LIN52: variants seen among roughly 807,000 people sequenced by gnomAD.
LIN52 encodes protein lin-52 homolog.
LIN52 carries 4 observed loss-of-function variants against 18.5 expected under a neutral mutation model. The ratio of observed to expected loss-of-function variants is 0.22; its 90% confidence interval spans 0.11 to 0.49. LIN52 has a LOEUF of 0.49. Among genes scored for constraint, LIN52 ranks in the 20% least tolerant of loss-of-function variants. The pLI, the probability that LIN52 is intolerant of heterozygous loss-of-function variation, is 0.97. For missense variants in LIN52, 102 were observed against 139.5 expected, an observed-to-expected ratio of 0.73 and a Z score of 1.35; for synonymous variants, 34 against 45.5, an observed-to-expected ratio of 0.75 and a Z score of 1.02.
At position 74,101,169 on chromosome 14, in the gene LIN52, A is replaced by T; in HGVS notation, c.214A>T (p.Thr72Ser). 6.2e-7 allele frequency: 1 copy of T among 1,611,770 alleles called. No individual in the cohort carries two copies. The highest frequency in any genetic ancestry group is 8.5e-7 in the Non-Finnish European group (1 of 1,179,208). ...TTCTGTTTCAGAACTGGGGAGTCTC[A>T]CCACGGCTAATTTGATGGAGAAGGT... is the stretch of plus-strand genomic sequence containing the variant. ...IDMLKELGSLTTANLMEKVRG... is the reference protein window; with the variant it reads ...IDMLKELGSLSTANLMEKVRG... The change falls in exon 5 of 6, where the codon ACC (threonine) becomes TCC (serine). Residue 72 changes from threonine (T) to serine (S), a missense_variant. Transcript: ENST00000555028.
intron 5 of LIN52, among the ~76,000 whole-genome samples, chr14:74,126,851 C>G (rs1353604611): frequency 6.6e-6 from 1 of 152,202 alleles, no homozygotes; most frequent in Non-Finnish European, 1.5e-5. Context: ...CTAAATGCCA[C>G]TGAATTGTAT....
intron 5 of LIN52, among the ~76,000 whole-genome samples, chr14:74,129,849 A>G (rs1257774814): frequency 6.6e-6 from 1 of 152,192 alleles, no homozygotes; most frequent in African/African-American, 2.4e-5. Context: ...CCCTATGTAT[A>G]GTCTGTTTTC....
chr14:74,137,498 CTTT>C (rs71460959), intron 5 of LIN52, among the ~76,000 whole-genome samples: 6 of 111,614 alleles, frequency 5.4e-5, no homozygotes, highest in African/African-American at 1.9e-4. Flanking sequence ...CAGCAGCTCT[CTTT>C]TTTTTTTTTT....
chr14:74,197,253 C>T (rs1478477441), intron 5 of LIN52, among the ~76,000 whole-genome samples: 1 of 152,192 alleles, frequency 6.6e-6, no homozygotes, highest in African/African-American at 2.4e-5. Flanking sequence ...TCAACACTTA[C>T]TCAGCAGACA....
At chr14:74,131,319 CTTT>C (rs34203200) in intron 5 of LIN52, among the ~76,000 whole-genome samples, 6 of 137,972 alleles carry the variant, frequency 4.3e-5, no homozygotes, top group Admixed American at 2.9e-4. Flanking sequence ...ATTTAAGTGA[CTTT>C]TTTTTTTTTT....
At chr14:74,095,169 T>TTTTTTTTA in intron 2 of LIN52, among the ~76,000 whole-genome samples, 4 of 149,738 alleles carry the variant, frequency 2.7e-5, no homozygotes, top group African/African-American at 4.9e-5. Flanking sequence ...TTTTTTTTTT[T>TTTTTTTTA]GAGACAGGGT....
intron 5 of LIN52, chr14:74,174,386 G>A (rs980264500): frequency 2.6e-5 from 4 of 152,128 alleles, no homozygotes; most frequent in African/African-American, 9.7e-5. Context: ...GAATACTAGA[G>A]GCAGTTGGAA....
At chr14:74,085,300 G>GATGT in intron 1 of LIN52, 1 of 295,996 alleles carries the variant, frequency 3.4e-6, no homozygotes. Flanking sequence ...GAGGCTGAGG[G>GATGT]TCGAGGAGGA....
intron 2 of LIN52, among the ~76,000 whole-genome samples, chr14:74,095,159 T>TTTTTG (rs2060801213): frequency 6.7e-6 from 1 of 149,040 alleles, no homozygotes; most frequent in African/African-American, 2.5e-5. Flanking sequence ...GTTTTTTTTT[T>TTTTTG]TTTTTTTTTT....
intron 5 of LIN52, among the ~76,000 whole-genome samples, chr14:74,149,205 A>T (rs2061165924): frequency 6.6e-6 from 1 of 152,138 alleles, no homozygotes; most frequent in Non-Finnish European, 1.5e-5. Context: ...CATGGTTTTA[A>T]AAATTCACAG....
chr14:74,166,477 T>C (rs1004943995), intron 5 of LIN52, among the ~76,000 whole-genome samples: 8 of 152,172 alleles, frequency 5.3e-5, no homozygotes, highest in Non-Finnish European at 1.2e-4. Flanking sequence ...CCTCCCAAAG[T>C]GCTGGGATTA....
chr14:74,180,602 G>A (rs2061314312), intron 5 of LIN52, among the ~76,000 whole-genome samples: 1 of 151,940 alleles, frequency 6.6e-6, no homozygotes, highest in South Asian at 2.1e-4. Context: ...ATCTCTTTTG[G>A]TGTCTCATTA....
At chr14:74,147,262 CA>C (rs1366295890) in intron 5 of LIN52, among the ~76,000 whole-genome samples, 1 of 151,976 alleles carries the variant, frequency 6.6e-6, no homozygotes, top group East Asian at 1.9e-4. Flanking sequence ...TCATCTCAAA[CA>C]AACAAAATAT....
chr14:74,187,957 T>C (rs1404624850), intron 5 of LIN52, among the ~76,000 whole-genome samples: 1 of 152,204 alleles, frequency 6.6e-6, no homozygotes, highest in African/African-American at 2.4e-5. Flanking sequence ...CGTGATGGAT[T>C]TACACCTAAG....
intron 5 of LIN52, among the ~76,000 whole-genome samples, chr14:74,111,457 T>C (rs1163762053): frequency 1.1e-4 from 4 of 36,010 alleles, no homozygotes; most frequent in Non-Finnish European, 2.2e-4. Context: ...CCTGACTGAT[T>C]TTTTTTTTTT....
intron 1 of LIN52, among the ~76,000 whole-genome samples, chr14:74,087,434 A>C (rs1178921637): frequency 6.8e-6 from 1 of 146,274 alleles, no homozygotes; most frequent in East Asian, 2.2e-4. Context: ...AAAAAAAAAA[A>C]AATTAAATTT....
At chr14:74,190,122 A>T (rs1485148168) in intron 5 of LIN52, among the ~76,000 whole-genome samples, 1 of 152,154 alleles carries the variant, frequency 6.6e-6, no homozygotes. Flanking sequence ...AAAGTTATAA[A>T]GTAAAATAAA....
chr14:74,153,745 T>C (rs1008561664), intron 5 of LIN52, among the ~76,000 whole-genome samples: 1 of 152,114 alleles, frequency 6.6e-6, no homozygotes, highest in Admixed American at 6.5e-5. Context: ...AGTTTCACCA[T>C]GTTGGTCAGG....
chr14:74,119,051 T>G (rs2060981158), intron 5 of LIN52, among the ~76,000 whole-genome samples: 1 of 152,212 alleles, frequency 6.6e-6, no homozygotes, highest in Non-Finnish European at 1.5e-5. Context: ...ATTTATTTCC[T>G]CGTTCTACTA....
Sources: gnomAD v4.1 joint callset for allele counts (sites outside exome capture counted in the v4.1 genomes callset) on GRCh38, gnomAD v4.1.1 for gene constraint, MANE v1.5 for transcripts, NCBI Gene and HGNC (gene_info 2026-07-23, HGNC 2026-07-21) for gene names.